Variants in SOX5 observed in about 807,000 individuals in gnomAD.
SOX5 encodes the protein SRY-box transcription factor 5, also known as transcription factor SOX-5.
In SOX5, 9 loss-of-function variants were observed where a neutral mutation model predicts 92.0. The ratio of observed to expected loss-of-function variants is 0.10; its 90% confidence interval spans 0.06 to 0.17. The LOEUF (loss-of-function observed/expected upper bound fraction) is 0.17, where lower values mean the gene tolerates loss of function less well. Ranked by LOEUF, SOX5 falls within the 10% of genes least tolerant of loss-of-function variation. SOX5 has a pLI of 1.00. For synonymous variants in SOX5, 344 were observed against 336.3 expected (o/e 1.02, Z -0.25); for missense variants, 642 against 944.5 (o/e 0.68, Z 4.20).
rs1361767751 is a variant in SOX5 at position 24,127,762 on chromosome 12, C to T, written c.-2+85581G>A. On this transcript the variant is annotated intron_variant, in intron 4 of 4. Transcript: ENST00000446891. ...CCCCCTGCTTCCACCCCAATACCAC[C>T]TCACCCCACCTGGGGAAGGGAAGCC... is the stretch of plus-strand genomic sequence containing the variant. Among the ~76,000 whole-genome samples the T allele has an allele frequency of 5.3e-5, 8 of 152,174 alleles. No individual in the cohort carries two copies. In the East Asian group the frequency reaches 9.6e-4, roughly 18 times the overall value.
At chr12:24,117,993 TG>T (rs1948208743) in intron 4 of SOX5, among the ~76,000 whole-genome samples, 1 of 122,640 alleles carries the variant, frequency 8.2e-6, no homozygotes, top group Non-Finnish European at 1.6e-5. Context: ...CATTCCAGCC[TG>T]GGGAACAGAG....
chr12:24,014,262 C>T (rs1269210418), intron 4 of SOX5, among the ~76,000 whole-genome samples: 1 of 152,132 alleles, frequency 6.6e-6, no homozygotes, highest in African/African-American at 2.4e-5. Context: ...CCTCCTTTAA[C>T]CGTATGTCAT....
At chr12:23,877,132 A>C (rs1055143137) in intron 2 of SOX5, among the ~76,000 whole-genome samples, 14 of 152,182 alleles carry the variant, frequency 9.2e-5, no homozygotes, top group African/African-American at 3.4e-4. Flanking sequence ...CCCAGAACTT[A>C]AAGTATAATA....
intron 6 of SOX5, among the ~76,000 whole-genome samples, chr12:23,729,787 A>G (rs975946078): frequency 6.6e-6 from 1 of 152,222 alleles, no homozygotes; most frequent in Non-Finnish European, 1.5e-5. Context: ...CTTGCAATTA[A>G]AAAGTATCTT....
At chr12:23,868,651 A>C (rs557880052) in intron 2 of SOX5, among the ~76,000 whole-genome samples, 1 of 152,150 alleles carries the variant, frequency 6.6e-6, no homozygotes, top group Non-Finnish European at 1.5e-5. Flanking sequence ...TAAGCCAAGT[A>C]CCAGCCAACA....
chr12:23,949,339 A>G (rs1190920715), intron 1 of SOX5, among the ~76,000 whole-genome samples: 1 of 152,212 alleles, frequency 6.6e-6, no homozygotes, highest in Non-Finnish European at 1.5e-5. Context: ...TTGCTGTTAT[A>G]GGACGCAACC....
rs555738152 is a variant in SOX5, at chr12:24,476,478, C to T, written c.-251+85851G>A. Among the ~76,000 whole-genome samples, 8 of 152,196 alleles carry T rather than the reference C, an allele frequency of 5.3e-5. No homozygotes were observed. In the East Asian group the frequency reaches 5.8e-4, roughly 11 times the overall value. On this transcript the variant is annotated intron_variant, in intron 1 of 4. Transcript: ENST00000446891. ...GCCAATTTGGGGTCAATCATTAAAG[C>T]GAAACTAAACAAAGCAGAAAAAGTC... is the stretch of plus-strand genomic sequence containing the variant.
At chr12:24,085,091 T>TAATAATAAAACC in intron 4 of SOX5, among the ~76,000 whole-genome samples, 1 of 95,108 alleles carries the variant, frequency 1.1e-5, no homozygotes, top group Non-Finnish European at 2.2e-5. Context: ...GTTCTTAGCA[T>TAATAATAAAACC]GGCTGACGTA....
intron 3 of SOX5, among the ~76,000 whole-genome samples, chr12:23,828,352 G>A (rs577348496): frequency 1.3e-5 from 2 of 152,156 alleles, no homozygotes; most frequent in Non-Finnish European, 2.9e-5. Context: ...ACACATGTAT[G>A]TGTATAAAAT....
At chr12:23,784,893 A>G (rs1485806260) in intron 3 of SOX5, among the ~76,000 whole-genome samples, 1 of 152,138 alleles carries the variant, frequency 6.6e-6, no homozygotes, top group Non-Finnish European at 1.5e-5. Context: ...CCTGGGCAAC[A>G]TAGCAAGATC....
chr12:24,397,686 A>C lies in SOX5; in HGVS notation c.-250-29047T>G, dbSNP rs185003490. On this transcript the variant is annotated intron_variant, in intron 1 of 4. Coordinates refer to the SOX5 transcript ENST00000446891. ...TTTGCTATGAAAAAAAAAATCAACAAACTTTAAAATGTCAGGAAGGGTCCC... is the reference window on the plus strand; with the variant it reads ...TTTGCTATGAAAAAAAAAATCAACACACTTTAAAATGTCAGGAAGGGTCCC... Among the ~76,000 whole-genome samples, 422 of 152,160 alleles carry C rather than the reference A, an allele frequency of 2.8e-3. 3 individuals carry two copies. The highest frequency in any genetic ancestry group is 9.9e-3 in the African/African-American group (411 of 41,526).
intron 4 of SOX5, among the ~76,000 whole-genome samples, chr12:24,160,435 C>T (rs1394607967): frequency 2.6e-5 from 4 of 151,922 alleles, no homozygotes; most frequent in African/African-American, 2.4e-5. Context: ...ATTTACATTG[C>T]ATTCTATATG....
chr12:23,834,559 T>C (rs2096383043), intron 3 of SOX5, among the ~76,000 whole-genome samples: 1 of 151,904 alleles, frequency 6.6e-6, no homozygotes. Flanking sequence ...AGGTCTCTCC[T>C]TTCCTTTACC....
At chr12:24,352,360 T>G (rs905947840) in intron 2 of SOX5, among the ~76,000 whole-genome samples, 1 of 152,072 alleles carries the variant, frequency 6.6e-6, no homozygotes, top group Non-Finnish European at 1.5e-5. Flanking sequence ...AAAGCAATCC[T>G]CAAATGGCTC....
chr12:24,426,955 CTT>C (rs1566135076), intron 1 of SOX5, among the ~76,000 whole-genome samples: 1 of 152,132 alleles, frequency 6.6e-6, no homozygotes, highest in Non-Finnish European at 1.5e-5. Context: ...ACCCAAGCAC[CTT>C]CCAGTAGAGT....
Position 24,398,896 on chromosome 12 carries a change from T to C in SOX5, c.-250-30257A>G, listed in dbSNP as rs532295058. Among the ~76,000 whole-genome samples the C allele has an allele frequency of 5.6e-4, 85 of 151,704 alleles. No individual in the cohort carries two copies. The Middle Eastern group carries it at 0.017, about 30-fold the overall frequency. ...TGGACACGTGCACTGGGTATTACCA[T>C]GACCTCGGGCTCCACACCTGTGTCA... On this transcript the variant is annotated intron_variant, in intron 1 of 4. Coordinates refer to the SOX5 transcript ENST00000446891.
intron 1 of SOX5, among the ~76,000 whole-genome samples, chr12:23,906,983 A>G (rs1290403816): frequency 2.0e-5 from 3 of 152,168 alleles, no homozygotes; most frequent in Non-Finnish European, 2.9e-5. Context: ...CCCATTCTCA[A>G]TATCTCTAAT....
chr12:24,051,612 T>C (rs1372467642), intron 4 of SOX5, among the ~76,000 whole-genome samples: 1 of 152,080 alleles, frequency 6.6e-6, no homozygotes, highest in East Asian at 1.9e-4. Context: ...CACAAGAAAA[T>C]TGTTAAAAGT....
chr12:23,639,724 T>C (rs2079786071), intron 8 of SOX5, among the ~76,000 whole-genome samples: 1 of 152,236 alleles, frequency 6.6e-6, no homozygotes, highest in African/African-American at 2.4e-5. Flanking sequence ...GAACACAGTA[T>C]GTCTCAGCTT....
Sources: allele counts gnomAD v4.1 joint callset (sites outside exome capture counted in the v4.1 genomes callset), GRCh38; gene constraint gnomAD v4.1.1; transcripts MANE v1.5; gene names NCBI Gene and HGNC (gene_info 2026-07-23, HGNC 2026-07-21).